Variants in UCK2 observed in about 807,000 individuals in gnomAD.
UCK2 encodes the protein uridine-cytidine kinase 2, also known as cytidine monophosphokinase 2.
In UCK2, 6 loss-of-function variants were observed where a neutral mutation model predicts 30.8. That is an observed-to-expected ratio of 0.19 (90% CI 0.11 to 0.38). The LOEUF is 0.38. Ranked by LOEUF, UCK2 falls within the 10% of genes least tolerant of loss-of-function variation. The pLI is 1.00. For missense variants in UCK2, 210 were observed against 339.8 expected (o/e 0.62, Z 3.00); for synonymous variants, 125 against 133.6 (o/e 0.94, Z 0.45).
chr1:165,869,659 CTTTTTTTTTTT>C (rs71100867), intron 1 of UCK2, among the ~76,000 whole-genome samples: 1 of 73,970 alleles, frequency 1.4e-5, no homozygotes. Flanking sequence ...CATCATGGGC[CTTTTTTTTTTT>C]TTTTTTTTTT....
intron 1 of UCK2, among the ~76,000 whole-genome samples, chr1:165,842,366 G>A (rs1334653279): frequency 6.6e-6 from 1 of 152,070 alleles, no homozygotes; most frequent in Non-Finnish European, 1.5e-5. Context: ...CTGTCACTGG[G>A]CATTTCCACA....
At chr1:165,906,376 T>C (rs1007365790) in intron 6 of UCK2, among the ~76,000 whole-genome samples, 3 of 152,186 alleles carry the variant, frequency 2.0e-5, no homozygotes, top group African/African-American at 7.2e-5. Flanking sequence ...ATTGTACTTA[T>C]TTTTCATTTT....
chr1:165,848,647 C>CAA (rs1654511755), intron 1 of UCK2, among the ~76,000 whole-genome samples: 1 of 151,156 alleles, frequency 6.6e-6, no homozygotes, highest in African/African-American at 2.5e-5. Context: ...ACAAAACACA[C>CAA]ACACACACAC....
chr1:165,873,853 A>G (rs1253597520), intron 1 of UCK2, among the ~76,000 whole-genome samples: 1 of 151,992 alleles, frequency 6.6e-6, no homozygotes, highest in Non-Finnish European at 1.5e-5. Context: ...CTAAAACACC[A>G]GCTTTGGATC....
At chr1:165,895,620 A>C in intron 3 of UCK2, 1 of 985,638 alleles carries the variant, frequency 1.0e-6, no homozygotes, top group Non-Finnish European at 1.2e-6. Context: ...GGGATTCTGT[A>C]CTTCCTCACA....
chr1:165,891,606 A>C (rs1212398527), intron 3 of UCK2: 1 of 346,586 alleles, frequency 2.9e-6, no homozygotes, highest in Non-Finnish European at 5.3e-6. Context: ...CTGCATGTGC[A>C]TTCTGATCCA....
At chr1:165,907,154 T>G (rs1185888223) in intron 6 of UCK2, among the ~76,000 whole-genome samples, 8 of 152,214 alleles carry the variant, frequency 5.3e-5, no homozygotes. Flanking sequence ...GCATTTGATG[T>G]GTATTCCATT....
chr1:165,905,817 C>A, intron 5 of UCK2, 104 bp from the exon 6 acceptor site: 1 of 1,008,884 alleles, frequency 9.9e-7, no homozygotes, highest in Non-Finnish European at 1.5e-6. Context: ...CTCTTCTGGG[C>A]TCGCTAGTAT....
At position 165,908,303 on chromosome 1, in the gene UCK2, G is replaced by A. The variant is rs1034056958; in HGVS notation, c.*480G>A. ...GTGGCTAAGGTCCAGTTGCTTTTGA[G>A]TGCCCCGTGGAACTTGATGGGAATG... is the stretch of plus-strand genomic sequence containing the variant. On this transcript the variant is annotated 3_prime_UTR_variant, in exon 7 of 7. Coordinates refer to ENST00000367879, the MANE Select transcript of UCK2 (RefSeq NM_012474.5). 5 of 153,022 alleles carry A rather than the reference G, an allele frequency of 3.3e-5. No homozygotes were observed. Among genetic ancestry groups the A allele is most frequent in the African/African-American group, 1.2e-4 (5 of 41,380 alleles). 9.5% of individuals were successfully genotyped at this position (153,022 alleles called of 1,614,324 possible). A position where few individuals can be genotyped will look rare whatever the true frequency, so the allele number is the denominator to read the frequency against.
chr1:165,896,800 G>A (rs759750224), intron 4 of UCK2, among the ~76,000 whole-genome samples: 22 of 152,310 alleles, frequency 1.4e-4, no homozygotes, highest in Non-Finnish European at 2.6e-4. Context: ...CAGGCTTTAT[G>A]GAGGCATTAT....
intron 4 of UCK2, among the ~76,000 whole-genome samples, chr1:165,899,247 G>A (rs1363428679): frequency 1.3e-5 from 2 of 152,096 alleles, no homozygotes; most frequent in African/African-American, 2.4e-5. Context: ...TGATCTTCTC[G>A]GGATTGGTTT....
At chr1:165,897,922 G>A (rs1442225460) in intron 4 of UCK2, 1 of 152,192 alleles carries the variant, frequency 6.6e-6, no homozygotes. Context: ...TTGTGACTAG[G>A]CTCTTGCGAC....
chr1:165,827,624 C>G lies in UCK2; in HGVS notation c.-210C>G, dbSNP rs997057042. The G allele has an allele frequency of 2.6e-6, 1 of 383,814 alleles. No individual in the cohort carries two copies. The highest frequency in any genetic ancestry group is 2.1e-5 in the African/African-American group (1 of 47,968). The allele number at this position is 383,814 out of a possible 1,614,324, so 23.8% of individuals were successfully genotyped here. On this transcript the variant is annotated 5_prime_UTR_variant, in exon 1 of 7. Coordinates refer to ENST00000367879, the MANE Select transcript of UCK2 (RefSeq NM_012474.5). ...ACCTCTGCCTGGGATGTAAACCGGA[C>G]CAGCCGCTGCGGGCAAAGGAAGGCT... is the stretch of plus-strand genomic sequence containing the variant.
intron 1 of UCK2, 51 bp downstream of exon 1, chr1:165,827,983 G>C: frequency 8.1e-7 from 1 of 1,233,780 alleles, no homozygotes; most frequent in Non-Finnish European, 1.0e-6. Flanking sequence ...GTCCCTGGGC[G>C]GCGCATGTGG....
At chr1:165,905,435 G>C (rs1370660859) in intron 5 of UCK2, among the ~76,000 whole-genome samples, 1 of 152,118 alleles carries the variant, frequency 6.6e-6, no homozygotes, top group East Asian at 1.9e-4. Context: ...AGTGAGCTGT[G>C]ATGATGCCGC....
intron 1 of UCK2, among the ~76,000 whole-genome samples, chr1:165,851,658 G>C (rs1185355919): frequency 6.6e-6 from 1 of 151,876 alleles, no homozygotes; most frequent in Non-Finnish European, 1.5e-5. Flanking sequence ...TGGGATACAT[G>C]TGCAGAACGT....
At chr1:165,899,986 G>A (rs943370161) in intron 4 of UCK2, among the ~76,000 whole-genome samples, 7 of 152,184 alleles carry the variant, frequency 4.6e-5, no homozygotes, top group Non-Finnish European at 8.8e-5. Context: ...CTTTTCCAGC[G>A]TGGAAGCTGT....
intron 1 of UCK2, among the ~76,000 whole-genome samples, chr1:165,863,014 C>T (rs1191005875): frequency 6.6e-6 from 1 of 152,202 alleles, no homozygotes; most frequent in African/African-American, 2.4e-5. Flanking sequence ...CAACTGTCCC[C>T]AGCCAGATGG....
chr1:165,848,023 ACCT>A (rs1213987744), intron 1 of UCK2, among the ~76,000 whole-genome samples: 1 of 150,770 alleles, frequency 6.6e-6, no homozygotes, highest in African/African-American at 2.4e-5. Flanking sequence ...TTTAAGTGAC[ACCT>A]CCTGTTTCCC....
Sources: allele counts gnomAD v4.1 joint callset (sites outside exome capture counted in the v4.1 genomes callset), GRCh38; gene constraint gnomAD v4.1.1; transcripts MANE v1.5; gene names NCBI Gene and HGNC (gene_info 2026-07-23, HGNC 2026-07-21).